The following ADARB2 variants were observed in gnomAD, a reference collection of about 807,000 sequenced individuals.
The protein encoded by ADARB2 is inactive double-stranded RNA-specific editase B2.
ADARB2 carries 25 observed loss-of-function variants against 62.2 expected under a neutral mutation model. The observed-to-expected ratio is 0.40, with a 90% CI of 0.29 to 0.56. The LOEUF is 0.56. Ranked by LOEUF, ADARB2 falls within the 20% of genes least tolerant of loss-of-function variation. The pLI, the probability that ADARB2 is intolerant of heterozygous loss-of-function variation, is 0.43. For synonymous variants in ADARB2, 572 were observed against 500.8 expected (o/e 1.14, Z -1.90); for missense variants, 1,071 against 1,077.4 (o/e 0.99, Z 0.08).
At position 1,181,559 on chromosome 10, in the gene ADARB2, A is replaced by G. The variant is rs944451186; in HGVS notation, c.*1634T>C. On this transcript the variant is annotated 3_prime_UTR_variant, in exon 10 of 10. Coordinates refer to ENST00000381312, the MANE Select transcript of ADARB2 (RefSeq NM_018702.4). ...TTTCTTTTTCCATACTAATATCTCTACTTCTTATTATCTTGTAACAAATAG... is the reference window on the plus strand; with the variant it reads ...TTTCTTTTTCCATACTAATATCTCTGCTTCTTATTATCTTGTAACAAATAG... 3 of 152,146 alleles carry G rather than the reference A, an allele frequency of 2.0e-5. No individual in the cohort carries two copies. The highest frequency in any genetic ancestry group is 7.2e-5 in the African/African-American group (3 of 41,444). 9.4% of individuals were successfully genotyped at this position (152,146 alleles called of 1,614,324 possible).
intron 5 of ADARB2, among the ~76,000 whole-genome samples, chr10:1,241,105 A>G (rs1830916312): frequency 6.6e-6 from 1 of 152,150 alleles, no homozygotes; most frequent in Non-Finnish European, 1.5e-5. Context: ...CTAAAAATAC[A>G]AAAATTAGCC....
At chr10:1,232,168 ACACACACCG>A (rs1376414064) in intron 6 of ADARB2, among the ~76,000 whole-genome samples, 1 of 139,798 alleles carries the variant, frequency 7.2e-6, no homozygotes, top group Non-Finnish European at 1.5e-5. Flanking sequence ...CACACATAGC[ACACACACCG>A]CACACACACC....
At chr10:1,243,272 C>G (rs912527281) in intron 4 of ADARB2, among the ~76,000 whole-genome samples, 2 of 152,224 alleles carry the variant, frequency 1.3e-5, no homozygotes, top group African/African-American at 4.8e-5. Flanking sequence ...GAGGGCAGCA[C>G]GGAGACGCGT....
intron 6 of ADARB2, among the ~76,000 whole-genome samples, chr10:1,228,752 CTT>C (rs1206732476): frequency 2.0e-5 from 3 of 152,222 alleles, no homozygotes; most frequent in African/African-American, 7.2e-5. Flanking sequence ...ACCACGAACA[CTT>C]TTCATTCCTG....
At chr10:1,485,788 C>G (rs868846549) in intron 1 of ADARB2, among the ~76,000 whole-genome samples, 1 of 152,214 alleles carries the variant, frequency 6.6e-6, no homozygotes, top group Non-Finnish European at 1.5e-5. Context: ...ATTCCTCTGT[C>G]TCACCCACCT....
At chr10:1,574,410 C>T (rs1483953080) in intron 1 of ADARB2, among the ~76,000 whole-genome samples, 1 of 152,144 alleles carries the variant, frequency 6.6e-6, no homozygotes, top group Admixed American at 6.5e-5. Flanking sequence ...ACGACGGGAG[C>T]CAGAGGACGG....
chr10:1,341,021 G>A lies in ADARB2; in HGVS notation c.1077+22007C>T, dbSNP rs529275788. On this transcript the variant is annotated intron_variant, in intron 3 of 9. Coordinates refer to ENST00000381312, the MANE Select transcript of ADARB2 (RefSeq NM_018702.4). ...ACCAGAGAACCCTGTGCCCCACATCGGCAATAACCAGCATCCACCAGAGAA... is the reference window on the plus strand; with the variant it reads ...ACCAGAGAACCCTGTGCCCCACATCAGCAATAACCAGCATCCACCAGAGAA... 1.2e-4 allele frequency among the ~76,000 whole-genome samples: 18 copies of A among 150,652 alleles called. No individual in the cohort carries two copies. In the South Asian group the frequency reaches 1.3e-3, roughly 11 times the overall value.
In ADARB2 at chr10:1,215,439, C is replaced by T. The variant is rs141180723; in HGVS notation, c.1682+1512G>A. 7.1e-4 allele frequency among the ~76,000 whole-genome samples: 108 copies of T among 152,372 alleles called. 1 individual carries two copies. The highest frequency in any genetic ancestry group is 2.3e-3 in the Admixed American group (35 of 15,310). ...CTCCATGCAAGCATCAGAGGTGATG[C>T]CCCGGGTCCTGCTCAGGCCTTCGGC... is the stretch of plus-strand genomic sequence containing the variant. On this transcript the variant is annotated intron_variant, in intron 7 of 9. Coordinates refer to ENST00000381312, the MANE Select transcript of ADARB2 (RefSeq NM_018702.4).
intron 1 of ADARB2, among the ~76,000 whole-genome samples, chr10:1,390,615 C>A (rs892669122): frequency 1.3e-5 from 2 of 152,332 alleles, no homozygotes; most frequent in East Asian, 3.9e-4. Context: ...TCTGCTTATG[C>A]CTCTACTTAT....
intron 1 of ADARB2, among the ~76,000 whole-genome samples, chr10:1,625,342 C>T (rs969055170): frequency 2.0e-5 from 3 of 152,318 alleles, no homozygotes; most frequent in Admixed American, 6.5e-5. Context: ...AGACAGTCGA[C>T]GTGGGTTGCA....
At chr10:1,538,903 A>G (rs889826468) in intron 1 of ADARB2, among the ~76,000 whole-genome samples, 12 of 152,206 alleles carry the variant, frequency 7.9e-5, no homozygotes, top group African/African-American at 2.9e-4. Flanking sequence ...TTCACACTGC[A>G]CGGCATCCCA....
chr10:1,726,135 C>CA (rs1331535343), intron 1 of ADARB2, among the ~76,000 whole-genome samples: 3 of 152,074 alleles, frequency 2.0e-5, no homozygotes, highest in African/African-American at 7.2e-5. Flanking sequence ...TTCCTGTGGC[C>CA]AAAAATGAGC....
intron 1 of ADARB2, among the ~76,000 whole-genome samples, chr10:1,689,299 A>C (rs1834637805): frequency 6.6e-6 from 1 of 152,190 alleles, no homozygotes; most frequent in Admixed American, 6.5e-5. Flanking sequence ...GCACAGGAAG[A>C]TTGTAGGTGA....
chr10:1,269,614 C>A (rs1363479461), intron 4 of ADARB2, among the ~76,000 whole-genome samples: 1 of 152,176 alleles, frequency 6.6e-6, no homozygotes, highest in Non-Finnish European at 1.5e-5. Flanking sequence ...TCATGGGTCG[C>A]AGAGCTCTGT....
chr10:1,694,467 CA>C (rs1338139934), intron 1 of ADARB2, among the ~76,000 whole-genome samples: 1 of 152,164 alleles, frequency 6.6e-6, no homozygotes, highest in Non-Finnish European at 1.5e-5. Flanking sequence ...TAATTGAACA[CA>C]AATCAGGGCT....
chr10:1,373,913 G>A (rs112600215), intron 2 of ADARB2, among the ~76,000 whole-genome samples: 36 of 126,796 alleles, frequency 2.8e-4, no homozygotes, highest in South Asian at 5.5e-4. Context: ...TAGTGAAACC[G>A]CGTGGGCTCC....
intron 1 of ADARB2, among the ~76,000 whole-genome samples, chr10:1,609,776 A>T (rs1833544417): frequency 6.6e-6 from 1 of 152,236 alleles, no homozygotes; most frequent in Non-Finnish European, 1.5e-5. Flanking sequence ...GTGTGGCTGC[A>T]AAGAGTGTGT....
intron 1 of ADARB2, among the ~76,000 whole-genome samples, chr10:1,577,476 G>T (rs1296673116): frequency 6.6e-6 from 1 of 151,870 alleles, no homozygotes; most frequent in African/African-American, 2.4e-5. Context: ...ATCTGATCAG[G>T]TCTCCTTTAT....
At chr10:1,187,303 A>T (rs1836773037) in intron 8 of ADARB2, among the ~76,000 whole-genome samples, 1 of 152,210 alleles carries the variant, frequency 6.6e-6, no homozygotes, top group Admixed American at 6.5e-5. Context: ...TGGGAGAGGC[A>T]GTCACTACCC....
Sources: gnomAD v4.1 joint callset for allele counts (sites outside exome capture counted in the v4.1 genomes callset) on GRCh38, gnomAD v4.1.1 for gene constraint, MANE v1.5 for transcripts, NCBI Gene and HGNC (gene_info 2026-07-23, HGNC 2026-07-21) for gene names.